PIM1: variants seen among roughly 807,000 people sequenced by gnomAD.
The protein encoded by PIM1 is serine/threonine-protein kinase pim-1.
Under a neutral mutation model 34.5 loss-of-function variants are expected in PIM1, and 9 were observed. That is an observed-to-expected ratio of 0.26 (90% CI 0.16 to 0.46). PIM1 has a LOEUF of 0.46. Among genes scored for constraint, PIM1 ranks in the 20% least tolerant of loss-of-function variants. The probability of loss-of-function intolerance (pLI) is 1.00; values close to 1 mark genes in which losing one functional copy is unlikely to be tolerated. For synonymous variants in PIM1, 199 were observed against 175.2 expected (o/e 1.14, Z -1.07); for missense variants, 274 against 410.9 (o/e 0.67, Z 2.88).
intron 2 of PIM1, 25 bp downstream of exon 2, chr6:37,170,904 AGGGCGCGCC>A: frequency 6.2e-7 from 1 of 1,611,332 alleles, no homozygotes; most frequent in African/African-American, 1.3e-5. Flanking sequence ...CGCGGTGGGG[AGGGCGCGCC>A]GGGCGGGGGG....
In PIM1 at chr6:37,170,819, AC is replaced by A; in HGVS notation, c.130del (p.Leu44TrpfsTer50). 1 of 1,612,978 alleles carries A rather than the reference AC, an allele frequency of 6.2e-7. No individual in the cohort carries two copies. ...LESQYQVGPL[L>X]GSGGFGSVYS... ...AGTCGCAGTACCAGGTGGGCCCGCT[AC>A]TGGGCAGCGGCGGCTTCGGCTCGGT... On this transcript the variant is annotated frameshift_variant, in exon 2 of 6. Transcript: ENST00000373509. LOFTEE classifies it high-confidence loss of function.
rs1185309864 is a variant in PIM1 at position 37,174,902 on chromosome 6, T to G, written c.*811T>G. 4.3e-6 allele frequency: 1 copy of G among 233,646 alleles called. No individual in the cohort carries two copies. The highest frequency in any genetic ancestry group is 8.5e-6 in the Non-Finnish European group (1 of 118,080). 14.5% of individuals were successfully genotyped at this position (233,646 alleles called of 1,614,324 possible). A position where few individuals can be genotyped will look rare whatever the true frequency, so the allele number is the denominator to read the frequency against. ...TACAAAAAGATTGTAGTGGATCTAA[T>G]TTTTAAGAAATTTTGCCTTTAAGTT... is the stretch of plus-strand genomic sequence containing the variant. On this transcript the variant is annotated 3_prime_UTR_variant, in exon 6 of 6. Transcript: ENST00000373509.
Position 37,170,208 on chromosome 6 carries a change from G to A in PIM1, c.-368G>A, listed in dbSNP as rs1021127258. On this transcript the variant is annotated 5_prime_UTR_variant, in exon 1 of 6. Coordinates refer to ENST00000373509, the MANE Select transcript of PIM1 (RefSeq NM_002648.4). ...CTGCAGCGGCCGCGGTGGCTGAGGA[G>A]GCCCGAGAGGAGTCGGTGGCAGCGG... 4 of 1,226,714 alleles carry A rather than the reference G, an allele frequency of 3.3e-6. No individual in the cohort carries two copies. In the African/African-American group the frequency reaches 4.8e-5, roughly 15 times the overall value. The allele number at this position is 1,226,714 out of a possible 1,614,324, so 76.0% of individuals were successfully genotyped here.
chr6:37,173,694 A>AT (rs756610490), intron 5 of PIM1, among the ~76,000 whole-genome samples: 3 of 152,126 alleles, frequency 2.0e-5, no homozygotes, highest in Admixed American at 6.6e-5. Flanking sequence ...GGCCCCCACT[A>AT]TTGAAGTTTG....
rs1583401075 is a variant in PIM1 at position 37,175,190 on chromosome 6, T to C, written c.*1099T>C. ...GGCTTCTGTGGGGCCCCTCACCTAC[T>C]TACCCAGGTGGGTCCCGGCTCTGTG... On this transcript the variant is annotated 3_prime_UTR_variant, in exon 6 of 6. Transcript: ENST00000373509. 2.1e-5 allele frequency: 5 copies of C among 233,798 alleles called. No individual in the cohort carries two copies. In the East Asian group the frequency reaches 3.0e-4, roughly 14 times the overall value. 14.5% of individuals were successfully genotyped at this position (233,798 alleles called of 1,614,324 possible). A position where few individuals can be genotyped will look rare whatever the true frequency, so the allele number is the denominator to read the frequency against.
At position 37,174,083 on chromosome 6, in the gene PIM1, A is replaced by G; in HGVS notation, c.934A>G (p.Ser312Gly). ...IHLHSLSPGP[S>G]K ...CCTCCACAGCCTGTCGCCGGGGCCC[A>G]GCAAATAGCAGCCTTTCTGGCAGGT... The change falls in exon 6 of 6, where the codon AGC becomes GGC. Residue 312 changes from serine to glycine, a missense_variant. Coordinates refer to ENST00000373509, the MANE Select transcript of PIM1 (RefSeq NM_002648.4). 6.2e-7 allele frequency: 1 copy of G among 1,612,542 alleles called. No individual in the cohort carries two copies. The highest frequency in any genetic ancestry group is 8.5e-7 in the Non-Finnish European group (1 of 1,179,346).
chr6:37,170,549 C>T lies in PIM1; in HGVS notation c.-27C>T, dbSNP rs754472113. On this transcript the variant is annotated 5_prime_UTR_variant, in exon 1 of 6. Transcript: ENST00000373509. ...CTGCGGCAGCTCCTCTGGGCACCGT[C>T]CCTGCGCCGACATCCTGGAGGTTGG... 3 of 1,612,136 alleles carry T rather than the reference C, an allele frequency of 1.9e-6. No homozygotes were observed. Among genetic ancestry groups the T allele is most frequent in the Admixed American group, 1.7e-5 (1 of 59,990 alleles).
At position 37,170,298 on chromosome 6, in the gene PIM1, C is replaced by T; in HGVS notation, c.-278C>T. On this transcript the variant is annotated 5_prime_UTR_variant, in exon 1 of 6. Coordinates refer to ENST00000373509, the MANE Select transcript of PIM1 (RefSeq NM_002648.4). ...CAGCAACCACTAGCCTCCTGCCCCGCGGCGCTGCCGCACGAGCCCCACGAG... is the reference window on the plus strand; with the variant it reads ...CAGCAACCACTAGCCTCCTGCCCCGTGGCGCTGCCGCACGAGCCCCACGAG... 1.4e-6 allele frequency: 2 copies of T among 1,425,746 alleles called. No individual in the cohort carries two copies. Among genetic ancestry groups the T allele is most frequent in the African/African-American group, 1.5e-5 (1 of 66,678 alleles). 88.3% of individuals were successfully genotyped at this position (1,425,746 alleles called of 1,614,324 possible).
Position 37,171,424 on chromosome 6 carries a change from C to G in PIM1, c.540C>G (p.Gly180=), listed in dbSNP as rs999889912. 16 of 1,613,966 alleles carry G rather than the reference C, an allele frequency of 9.9e-6. No individual in the cohort carries two copies. The highest frequency in any genetic ancestry group is 1.4e-5 in the Non-Finnish European group (16 of 1,180,046). The change falls in exon 4 of 6, where the codon GGC becomes GGG. Residue 180 remains glycine, a synonymous_variant. Transcript: ENST00000373509. ...DENILIDLNR[G]ELKLIDFGSG... is the part of the protein sequence containing the mutation. Reference sequence around the variant, plus strand: ...ACATCCTTATCGACCTCAATCGCGGCGAGCTCAAGCTCATCGACTTCGGGT... The same window carrying G: ...ACATCCTTATCGACCTCAATCGCGGGGAGCTCAAGCTCATCGACTTCGGGT...
In PIM1 at chr6:37,174,130, C is replaced by T. The variant is rs756724073; in HGVS notation, c.*39C>T. 3.8e-6 allele frequency: 6 copies of T among 1,581,666 alleles called. No homozygotes were observed. In the South Asian group the frequency reaches 6.9e-5, roughly 18 times the overall value. On this transcript the variant is annotated 3_prime_UTR_variant, in exon 6 of 6. Transcript: ENST00000373509. ...AGGTCCTCCCCTCTCTTGTCAGATG[C>T]CCGAGGGAGGGGAAGCTTCTGTCTC... is the stretch of plus-strand genomic sequence containing the variant.
intron 4 of PIM1, 57 bp downstream of exon 4, chr6:37,171,548 C>T (rs539190106): frequency 1.1e-5 from 17 of 1,566,166 alleles, no homozygotes; most frequent in Middle Eastern, 3.4e-4. Context: ...CGGCCCAGTC[C>T]GGAGGCCTCG....
chr6:37,171,434 C>G lies in PIM1; in HGVS notation c.550C>G (p.Leu184Val), dbSNP rs200495767. 1.2e-6 allele frequency: 2 copies of G among 1,613,928 alleles called. No homozygotes were observed. The highest frequency in any genetic ancestry group is 2.2e-5 in the East Asian group (1 of 44,878). Residue 184 changes from leucine to valine, a missense_variant, in exon 4 of 6, where the codon CTC becomes GTC. Coordinates refer to ENST00000373509, the MANE Select transcript of PIM1 (RefSeq NM_002648.4). Reference protein sequence around the residue: ...LIDLNRGELKLIDFGSGALLK... With the variant: ...LIDLNRGELKVIDFGSGALLK... ...CGACCTCAATCGCGGCGAGCTCAAG[C>G]TCATCGACTTCGGGTCGGGGGCGCT...
intron 5 of PIM1, among the ~76,000 whole-genome samples, chr6:37,173,723 G>C (rs1762349010): frequency 6.6e-6 from 1 of 152,176 alleles, no homozygotes; most frequent in Admixed American, 6.5e-5. Flanking sequence ...AGGTTTAAGA[G>C]GGGAGTCAGT....
At chr6:37,171,519 C>G (rs1561983355) in intron 4 of PIM1, 28 bp downstream of exon 4, 1 of 1,606,912 alleles carries the variant, frequency 6.2e-7, no homozygotes, top group South Asian at 1.1e-5. Context: ...GGGAGCTGCC[C>G]AGGTGACTCG....
chr6:37,170,981 G>A lies in PIM1; in HGVS notation c.190G>A (p.Val64Met). 6.2e-7 allele frequency: 1 copy of A among 1,614,070 alleles called. No homozygotes were observed. The highest frequency in any genetic ancestry group is 8.5e-7 in the Non-Finnish European group (1 of 1,180,000). The change falls in exon 3 of 6, where the codon GTG becomes ATG. Residue 64 changes from valine (V) to methionine (M), a missense_variant and splice_region_variant. Physicochemically the swap from Val to Met is conservative, Grantham distance 21 (BLOSUM62 1). Transcript: ENST00000373509. ...SGIRVSDNLP[V>M]AIKHVEKDRI... ...CCTGACGGAGACCCTGGGCTTCCAGGTGGCCATCAAACACGTGGAGAAGGA... is the reference window on the plus strand; with the variant it reads ...CCTGACGGAGACCCTGGGCTTCCAGATGGCCATCAAACACGTGGAGAAGGA...
At position 37,170,618 on chromosome 6, in the gene PIM1, G is replaced by A; in HGVS notation, c.43G>A (p.Ala15Thr). ...KINSLAHLRA[A>T]PCNDLHATKL... ...CAACTCGCTTGCCCACCTGCGCGCC[G>A]CGCCCTGCAACGACCTGCACGCCAC... Residue 15 changes from alanine (A) to threonine (T), a missense_variant, in exon 1 of 6, where the codon GCG becomes ACG. This residue lies in a region of PIM1 where 106 missense variants were observed against 111.5 expected (regional missense o/e 0.95). Coordinates refer to ENST00000373509, the MANE Select transcript of PIM1 (RefSeq NM_002648.4). The A allele has an allele frequency of 1.9e-6, 3 of 1,612,812 alleles. No individual in the cohort carries two copies. The highest frequency in any genetic ancestry group is 2.5e-6 in the Non-Finnish European group (3 of 1,179,534).
chr6:37,174,272 G>T lies in PIM1; in HGVS notation c.*181G>T. The T allele has an allele frequency of 1.8e-6, 1 of 564,372 alleles. No individual in the cohort carries two copies. The highest frequency in any genetic ancestry group is 3.4e-5 in the Admixed American group (1 of 29,554). 35.0% of individuals were successfully genotyped at this position (564,372 alleles called of 1,614,324 possible). A position where few individuals can be genotyped will look rare whatever the true frequency, so the allele number is the denominator to read the frequency against. ...CTGGAGGCTGCCTCCCAACAGTGGG[G>T]AAGAGTGACTCTCCAGGGGTCCTAG... On this transcript the variant is annotated 3_prime_UTR_variant, in exon 6 of 6. Transcript: ENST00000373509.
chr6:37,173,834 A>G (rs1762351677), intron 5 of PIM1, 100 bp from the exon 6 acceptor site: 1 of 1,097,414 alleles, frequency 9.1e-7, no homozygotes, highest in African/African-American at 1.6e-5. Context: ...CCTCCCTGGG[A>G]CCCCAGACTT....
In PIM1 at chr6:37,170,353, C is replaced by T. The variant is rs1561982346; in HGVS notation, c.-223C>T. On this transcript the variant is annotated 5_prime_UTR_variant, in exon 1 of 6. Transcript: ENST00000373509. ...TCACCCCGCCGTTCTCAGCGCTGCC[C>T]GACCCCGCTGGCGCGCCCTCCCGCC... The T allele has an allele frequency of 6.6e-7, 1 of 1,515,302 alleles. No homozygotes were observed. The allele number at this position is 1,515,302 out of a possible 1,614,324, so 93.9% of individuals were successfully genotyped here.
Sources: gnomAD v4.1 joint callset for allele counts (sites outside exome capture counted in the v4.1 genomes callset) on GRCh38, gnomAD v4.1.1 for gene constraint, gnomAD v4.1.1 regional missense constraint, MANE v1.5 for transcripts, NCBI Gene and HGNC (gene_info 2026-07-23, HGNC 2026-07-21) for gene names.